Variants in ANKFY1 observed in about 807,000 individuals in gnomAD.
ANKFY1 encodes ankyrin repeat and FYVE domain-containing protein 1.
In ANKFY1, 47 loss-of-function variants were observed where a neutral mutation model predicts 128.3. That is an observed-to-expected ratio of 0.37 (90% CI 0.29 to 0.47). The LOEUF (loss-of-function observed/expected upper bound fraction) is 0.47, where lower values mean the gene tolerates loss of function less well. Ranked by LOEUF, ANKFY1 falls within the 20% of genes least tolerant of loss-of-function variation. The pLI, the probability that ANKFY1 is intolerant of heterozygous loss-of-function variation, is 1.00. For missense variants in ANKFY1, 1,222 were observed against 1,510.6 expected (o/e 0.81, Z 3.17); for synonymous variants, 553 against 601.6 (o/e 0.92, Z 1.18).
intron 12 of ANKFY1, 78 bp from the exon 13 acceptor site, chr17:4,183,988 C>T (rs371192481): frequency 3.8e-5 from 46 of 1,208,660 alleles, no homozygotes; most frequent in Non-Finnish European, 5.4e-5. Flanking sequence ...AGAGTAAGAA[C>T]TCAAACTGCC....
chr17:4,263,140 C>G (rs1968511716), intron 1 of ANKFY1, among the ~76,000 whole-genome samples: 1 of 152,202 alleles, frequency 6.6e-6, no homozygotes, highest in Admixed American at 6.5e-5. Flanking sequence ...TTTCCCCCTA[C>G]GTGTACAATA....
At chr17:4,173,869 G>A (rs201576381) in intron 20 of ANKFY1, 40 bp downstream of exon 20, 16 of 1,592,824 alleles carry the variant, frequency 1.0e-5, no homozygotes, top group Admixed American at 3.4e-5. Flanking sequence ...CCCTAGAATG[G>A]AGGGATCGTT....
intron 11 of ANKFY1, chr17:4,187,257 TCA>T: frequency 2.5e-6 from 1 of 398,918 alleles, no homozygotes; most frequent in South Asian, 1.3e-4. Flanking sequence ...AGCATGCGTG[TCA>T]CAGACTGATT....
rs1433005627 is a variant in ANKFY1, at chr17:4,178,739, C to A, written c.2598+118G>T. 21 of 1,012,148 alleles carry A rather than the reference C, an allele frequency of 2.1e-5. No individual in the cohort carries two copies. Among genetic ancestry groups the A allele is most frequent in the Non-Finnish European group, 3.0e-5 (20 of 671,540 alleles). 62.7% of individuals were successfully genotyped at this position (1,012,148 alleles called of 1,614,324 possible). On this transcript the variant is annotated intron_variant, in intron 18 of 24. Transcript: ENST00000341657. This position sits in a 1 kb window ranked among gnomAD's most constrained non-coding sequence, Gnocchi z 4.1. ...ACAGCCACATCTTAGGACAGGAGTA[C>A]AACTTCAAAACAAAGCTCTTTCCAT... is the stretch of plus-strand genomic sequence containing the variant.
At chr17:4,202,125 G>A (rs1468697736) in intron 7 of ANKFY1, among the ~76,000 whole-genome samples, 1 of 152,124 alleles carries the variant, frequency 6.6e-6, no homozygotes, top group Non-Finnish European at 1.5e-5. Flanking sequence ...CATAGTGGCC[G>A]GGCGCAGCGG....
In ANKFY1 at chr17:4,234,489, A is replaced by G. The variant is rs1389351361; in HGVS notation, c.322+1283T>C. ...TAAAACAAGTAACATTAAATAGGCC[A>G]ATGTAGCTATTAATTTTTTCTTTTT... On this transcript the variant is annotated intron_variant, in intron 3 of 24. Coordinates refer to ENST00000341657, the MANE Select transcript of ANKFY1 (RefSeq NM_001330063.2). Among the ~76,000 whole-genome samples the G allele has an allele frequency of 3.9e-5, 6 of 152,210 alleles. No individual in the cohort carries two copies. The East Asian group carries it at 9.6e-4, about 24-fold the overall frequency.
At position 4,184,744 on chromosome 17, in the gene ANKFY1, A is replaced by T. The variant is rs1182257283; in HGVS notation, c.1699+74T>A. ...TATGAAACTCACCAACAGAAAAAAC[A>T]TCAACTCTGTAACTAAGGATCCTAA... is the stretch of plus-strand genomic sequence containing the variant. On this transcript the variant is annotated intron_variant, in intron 12 of 24. Coordinates refer to ENST00000341657, the MANE Select transcript of ANKFY1 (RefSeq NM_001330063.2). The T allele has an allele frequency of 2.0e-6, 3 of 1,501,160 alleles. No homozygotes were observed. In the African/African-American group the frequency reaches 4.1e-5, roughly 21 times the overall value. 93.0% of individuals were successfully genotyped at this position (1,501,160 alleles called of 1,614,324 possible).
rs560872674 is a variant in ANKFY1, at chr17:4,166,741, A to T, written c.*1038T>A. On this transcript the variant is annotated 3_prime_UTR_variant, in exon 25 of 25. Coordinates refer to ENST00000341657, the MANE Select transcript of ANKFY1 (RefSeq NM_001330063.2). ...GAAGCATTTGTGTCAAGGACATAGGACCTGCCGGCCTGAGGCTGGAGATGC... is the reference window on the plus strand; with the variant it reads ...GAAGCATTTGTGTCAAGGACATAGGTCCTGCCGGCCTGAGGCTGGAGATGC... 2 of 152,348 alleles carry T rather than the reference A, an allele frequency of 1.3e-5. No homozygotes were observed. The highest frequency in any genetic ancestry group is 3.9e-4 in the East Asian group (2 of 5,186). The allele number at this position is 152,348 out of a possible 1,614,324, so 9.4% of individuals were successfully genotyped here. A position where few individuals can be genotyped will look rare whatever the true frequency, so the allele number is the denominator to read the frequency against.
chr17:4,185,072 C>G (rs2143005559), intron 11 of ANKFY1, 26 bp from the exon 12 acceptor site: 1 of 1,595,244 alleles, frequency 6.3e-7, no homozygotes, highest in Non-Finnish European at 8.5e-7. Flanking sequence ...TGGCCGAAAT[C>G]TGAGCACTCA....
At chr17:4,172,957 T>C (rs2059348619) in intron 21 of ANKFY1, among the ~76,000 whole-genome samples, 1 of 152,216 alleles carries the variant, frequency 6.6e-6, no homozygotes, top group Non-Finnish European at 1.5e-5. Flanking sequence ...CCTCCCGGGT[T>C]CACGCCATTC....
intron 3 of ANKFY1, among the ~76,000 whole-genome samples, chr17:4,227,592 G>C (rs2060445999): frequency 6.6e-6 from 1 of 152,160 alleles, no homozygotes; most frequent in African/African-American, 2.4e-5. Context: ...GTTTCTCCCT[G>C]AGATCAAGAA....
At chr17:4,211,395 CA>C (rs71383533) in intron 4 of ANKFY1, among the ~76,000 whole-genome samples, 159 of 126,866 alleles carry the variant, frequency 1.3e-3, no homozygotes, top group East Asian at 4.9e-3. Context: ...AGACTCGTCT[CA>C]AAAAAAAAAA....
chr17:4,263,808 T>C lies in ANKFY1; in HGVS notation c.10+124A>G, dbSNP rs1304817587. 2.5e-6 allele frequency: 4 copies of C among 1,605,390 alleles called. No individual in the cohort carries two copies. In the African/African-American group the frequency reaches 5.4e-5, roughly 22 times the overall value. On this transcript the variant is annotated intron_variant, in intron 1 of 24. Coordinates refer to ENST00000341657, the MANE Select transcript of ANKFY1 (RefSeq NM_001330063.2). ...CTCCGGAGAGGCTAGACAGGAAGGCTCGCGAGACCCGCGGAGCCCCCATGC... is the reference window on the plus strand; with the variant it reads ...CTCCGGAGAGGCTAGACAGGAAGGCCCGCGAGACCCGCGGAGCCCCCATGC...
At chr17:4,201,344 T>C (rs1295466433) in intron 7 of ANKFY1, among the ~76,000 whole-genome samples, 2 of 152,162 alleles carry the variant, frequency 1.3e-5, no homozygotes, top group Admixed American at 6.5e-5. Flanking sequence ...ATTGTCTCTT[T>C]TTCAACACTT....
intron 7 of ANKFY1, among the ~76,000 whole-genome samples, chr17:4,204,793 A>T (rs763958433): frequency 9.2e-5 from 14 of 152,048 alleles, no homozygotes; most frequent in Non-Finnish European, 1.6e-4. Context: ...TACGTGGTGG[A>T]GATTTCCCCA....
chr17:4,243,700 A>G (rs2143405109), intron 1 of ANKFY1, among the ~76,000 whole-genome samples: 1 of 152,226 alleles, frequency 6.6e-6, no homozygotes, highest in East Asian at 1.9e-4. Flanking sequence ...CCTGGCACCT[A>G]TCCTCCTTCA....
intron 16 of ANKFY1, 72 bp from the exon 17 acceptor site, chr17:4,179,949 T>G: frequency 6.4e-7 from 1 of 1,571,882 alleles, no homozygotes; most frequent in Non-Finnish European, 8.6e-7. Context: ...ATTACAAATG[T>G]AAAGCAGGAG....
At chr17:4,263,342 C>T (rs1402593455) in intron 1 of ANKFY1, among the ~76,000 whole-genome samples, 1 of 152,194 alleles carries the variant, frequency 6.6e-6, no homozygotes, top group Admixed American at 6.5e-5. Flanking sequence ...GGCCAACTCC[C>T]TTCCCGCAAA....
intron 21 of ANKFY1, 33 bp downstream of exon 21, chr17:4,173,321 G>T: frequency 6.2e-7 from 1 of 1,601,798 alleles, no homozygotes; most frequent in Non-Finnish European, 8.5e-7. Flanking sequence ...CAGGCCAGGC[G>T]CCGCGGGGCC....
Sources: allele counts gnomAD v4.1 joint callset (sites outside exome capture counted in the v4.1 genomes callset), GRCh38; gene constraint gnomAD v4.1.1; non-coding constraint Gnocchi (gnomAD v3.1); transcripts MANE v1.5; gene names NCBI Gene and HGNC (gene_info 2026-07-23, HGNC 2026-07-21).